Variants in CADM2 observed in about 807,000 individuals in gnomAD.
CADM2 encodes the protein immunoglobulin superfamily member 4D.
CADM2 carries 12 observed loss-of-function variants against 49.8 expected under a neutral mutation model. The ratio of observed to expected loss-of-function variants is 0.24; its 90% CI spans 0.15 to 0.39. The LOEUF is 0.39. Ranked by LOEUF, CADM2 falls within the 10% of genes least tolerant of loss-of-function variation. CADM2 has a pLI of 1.00. For synonymous variants in CADM2, 214 were observed against 175.4 expected, an observed-to-expected ratio of 1.22 and a Z score of -1.74; for missense variants, 378 against 492.3, an observed-to-expected ratio of 0.77 and a Z score of 2.20.
intron 1 of CADM2, among the ~76,000 whole-genome samples, chr3:85,715,490 T>C (rs1264264195): frequency 1.3e-5 from 2 of 152,134 alleles, no homozygotes; most frequent in Non-Finnish European, 2.9e-5. Flanking sequence ...TTTTAGAAGT[T>C]AGTTTTTTGA....
At chr3:85,894,436 T>C (rs1331865721) in intron 5 of CADM2, among the ~76,000 whole-genome samples, 1 of 152,056 alleles carries the variant, frequency 6.6e-6, no homozygotes, top group Admixed American at 6.5e-5. Flanking sequence ...ACATGGCACA[T>C]GTATACATAT....
At chr3:85,143,241 C>G (rs373156326) in intron 1 of CADM2, among the ~76,000 whole-genome samples, 1 of 152,028 alleles carries the variant, frequency 6.6e-6, no homozygotes, top group South Asian at 2.1e-4. Flanking sequence ...TTAGCACTTT[C>G]GGGGGCCAAG....
intron 3 of CADM2, among the ~76,000 whole-genome samples, chr3:85,819,126 AAGAACCT>A (rs2073396996): frequency 6.6e-6 from 1 of 152,116 alleles, no homozygotes; most frequent in African/African-American, 2.4e-5. Flanking sequence ...CTGAAAGTCA[AAGAACCT>A]AGAGTCCGAT....
chr3:85,756,850 G>A (rs1008589128), intron 2 of CADM2, among the ~76,000 whole-genome samples: 13 of 151,826 alleles, frequency 8.6e-5, no homozygotes, highest in African/African-American at 1.2e-4. Flanking sequence ...AATATTGATC[G>A]GGTTATTTCC....
chr3:85,881,993 A>T (rs1712863035), intron 3 of CADM2, among the ~76,000 whole-genome samples: 1 of 152,108 alleles, frequency 6.6e-6, no homozygotes, highest in Non-Finnish European at 1.5e-5. Context: ...CTCAGGCAGT[A>T]ATGTTGGCTG....
intron 1 of CADM2, among the ~76,000 whole-genome samples, chr3:85,467,611 T>TA (rs137952199): frequency 0.044 from 6,466 of 147,614 alleles, 405 homozygotes; most frequent in African/African-American, 0.14. Context: ...AAAGGCTAAT[T>TA]AAAAAAAAAA....
At chr3:85,642,201 G>A (rs1027892290) in intron 1 of CADM2, among the ~76,000 whole-genome samples, 1 of 152,234 alleles carries the variant, frequency 6.6e-6, no homozygotes, top group Admixed American at 6.5e-5. Context: ...CTGCTACCCA[G>A]TTTTGAGTAA....
chr3:84,989,334 T>C (rs759117157), intron 1 of CADM2, among the ~76,000 whole-genome samples: 13 of 152,164 alleles, frequency 8.5e-5, no homozygotes, highest in South Asian at 2.1e-4. Flanking sequence ...CCTGCATAAG[T>C]TTCCCACCAG....
At chr3:85,356,714 G>A (rs1489502478) in intron 1 of CADM2, among the ~76,000 whole-genome samples, 2 of 152,104 alleles carry the variant, frequency 1.3e-5, no homozygotes, top group Non-Finnish European at 2.9e-5. Flanking sequence ...TGCATTTAAT[G>A]TCCTGTTCAT....
chr3:85,898,465 C>G (rs1252160481), intron 5 of CADM2, among the ~76,000 whole-genome samples: 4 of 152,076 alleles, frequency 2.6e-5, no homozygotes, highest in African/African-American at 4.8e-5. Context: ...TCTGCCCACT[C>G]TCTACCTCAG....
At chr3:85,542,687 C>CT (rs2061575613) in intron 1 of CADM2, among the ~76,000 whole-genome samples, 1 of 152,116 alleles carries the variant, frequency 6.6e-6, no homozygotes, top group Non-Finnish European at 1.5e-5. Context: ...CCTCCACCTA[C>CT]TGCAAAAAGA....
At chr3:86,026,839 A>G in intron 8 of CADM2, among the ~76,000 whole-genome samples, 1 of 152,214 alleles carries the variant, frequency 6.6e-6, no homozygotes, top group East Asian at 1.9e-4. Context: ...ATACTTCATG[A>G]ATTGGTGTAG....
intron 2 of CADM2, among the ~76,000 whole-genome samples, chr3:85,755,768 G>A (rs1266470696): frequency 6.6e-6 from 1 of 151,988 alleles, no homozygotes; most frequent in Non-Finnish European, 1.5e-5. Flanking sequence ...AAAACAGCAA[G>A]AGGGGAATCC....
intron 1 of CADM2, among the ~76,000 whole-genome samples, chr3:85,203,047 G>T (rs1241029563): frequency 6.6e-6 from 1 of 152,156 alleles, no homozygotes; most frequent in Non-Finnish European, 1.5e-5. Context: ...CTCTGGATTA[G>T]GTTTCGGCTA....
At chr3:85,533,201 G>A (rs2061355925) in intron 1 of CADM2, among the ~76,000 whole-genome samples, 1 of 152,154 alleles carries the variant, frequency 6.6e-6, no homozygotes, top group African/African-American at 2.4e-5. Context: ...GGTTCTTTGT[G>A]TGTTGGCCAT....
rs546824677 is a variant in CADM2, at chr3:85,311,706, T to C, written c.61+352038T>C. 5.3e-5 allele frequency among the ~76,000 whole-genome samples: 8 copies of C among 152,280 alleles called. No homozygotes were observed. The South Asian group carries it at 8.3e-4, about 16-fold the overall frequency. On this transcript the variant is annotated intron_variant, in intron 1 of 9. Coordinates refer to ENST00000383699, the MANE Select transcript of CADM2 (RefSeq NM_001167675.2). ...ATTTTTATTTTAAAGTTGGGACTTATCATCATATTTGGCCCTTTACTTTCT... is the reference window on the plus strand; with the variant it reads ...ATTTTTATTTTAAAGTTGGGACTTACCATCATATTTGGCCCTTTACTTTCT...
At chr3:85,458,463 TTG>T (rs1172870000) in intron 1 of CADM2, among the ~76,000 whole-genome samples, 3 of 152,334 alleles carry the variant, frequency 2.0e-5, no homozygotes, top group East Asian at 3.9e-4. Flanking sequence ...GAAATATGTA[TTG>T]ATCTCCTGTG....
chr3:85,050,429 C>A (rs566754363), intron 1 of CADM2, among the ~76,000 whole-genome samples: 1 of 152,064 alleles, frequency 6.6e-6, no homozygotes, highest in Non-Finnish European at 1.5e-5. Flanking sequence ...TGGACCAGAA[C>A]AAAATGCAGC....
At chr3:85,691,446 C>T (rs1185961580) in intron 1 of CADM2, among the ~76,000 whole-genome samples, 1 of 152,146 alleles carries the variant, frequency 6.6e-6, no homozygotes, top group Non-Finnish European at 1.5e-5. Context: ...ATCTAGGCTG[C>T]TTGTTCCATT....
Sources: allele counts gnomAD v4.1 joint callset (sites outside exome capture counted in the v4.1 genomes callset), GRCh38; gene constraint gnomAD v4.1.1; transcripts MANE v1.5; gene names NCBI Gene and HGNC (gene_info 2026-07-23, HGNC 2026-07-21).